MEIOC: variants seen among roughly 807,000 people sequenced by gnomAD.
MEIOC encodes the protein meiosis-specific coiled-coil domain-containing protein MEIOC.
Under a neutral mutation model 85.3 loss-of-function variants are expected in MEIOC, and 9 were observed. That is an observed-to-expected ratio of 0.11 (90% confidence interval 0.06 to 0.18). The LOEUF is 0.18. Among genes scored for constraint, MEIOC ranks in the 10% least tolerant of loss-of-function variants. The probability of loss-of-function intolerance (pLI) is 1.00; values close to 1 mark genes in which losing one functional copy is unlikely to be tolerated. For missense variants in MEIOC, 898 were observed against 1,129.4 expected, an observed-to-expected ratio of 0.80 and a Z score of 2.94; for synonymous variants, 365 against 393.7, an observed-to-expected ratio of 0.93 and a Z score of 0.86.
chr17:44,664,235 G>T (rs375350143), intron 3 of MEIOC, among the ~76,000 whole-genome samples: 3 of 151,996 alleles, frequency 2.0e-5, no homozygotes, highest in African/African-American at 4.8e-5. Flanking sequence ...GGTGGCACGC[G>T]CCTGTAGTCC....
Position 44,675,590 on chromosome 17 carries a change from A to C in MEIOC, c.*1394A>C. ...AGAAGAAACTGATTGAGAATGCAAG[A>C]GTAACTGTAGGGAGAAACATTTTGA... is the stretch of plus-strand genomic sequence containing the variant. On this transcript the variant is annotated 3_prime_UTR_variant, in exon 8 of 8. Transcript: ENST00000409122. The C allele has an allele frequency of 1.0e-6, 1 of 984,274 alleles. No individual in the cohort carries two copies. Among genetic ancestry groups the C allele is most frequent in the Non-Finnish European group, 1.2e-6 (1 of 828,908 alleles). 61.0% of individuals were successfully genotyped at this position (984,274 alleles called of 1,614,324 possible). A position where few individuals can be genotyped will look rare whatever the true frequency, so the allele number is the denominator to read the frequency against.
chr17:44,673,495 A>G lies in MEIOC; in HGVS notation c.2587A>G (p.Asn863Asp). The part of the protein sequence containing the change: ...VQSRRKDEIV[N>D]ASNRQRQGVP... The stretch of plus-strand genomic sequence containing the variant: ...GTCACGTAGAAAGGATGAAATTGTT[A>G]ATGCTTCCAATCGGCAAAGGCAAGG... The change falls in exon 7 of 8, where the codon AAT becomes GAT. Residue 863 changes from asparagine to aspartate, a missense_variant. Asn to Asp is a conservative substitution (Grantham distance 23). Coordinates refer to ENST00000409122, the MANE Select transcript of MEIOC (RefSeq NM_001145080.3). 1 of 1,551,152 alleles carries G rather than the reference A, an allele frequency of 6.4e-7. No individual in the cohort carries two copies. The highest frequency in any genetic ancestry group is 8.7e-7 in the Non-Finnish European group (1 of 1,146,914).
At chr17:44,659,768 C>T (rs570351175) in intron 2 of MEIOC, among the ~76,000 whole-genome samples, 6 of 152,276 alleles carry the variant, frequency 3.9e-5, no homozygotes, top group Admixed American at 1.3e-4. Context: ...GGATACTTCA[C>T]ACATAAGAGT....
chr17:44,673,315 T>C, intron 6 of MEIOC, 51 bp from the exon 7 acceptor site: 1 of 1,362,714 alleles, frequency 7.3e-7, no homozygotes, highest in Non-Finnish European at 9.8e-7. Context: ...TTGTTTTTAC[T>C]TAAGTTAATG....
Position 44,666,371 on chromosome 17 carries a change from T to C in MEIOC, c.465-5T>C. 6.5e-7 allele frequency: 1 copy of C among 1,540,770 alleles called. No individual in the cohort carries two copies. The highest frequency in any genetic ancestry group is 8.8e-7 in the Non-Finnish European group (1 of 1,142,156). ...GTTGTAATTAAATATATTTATTTGT[T>C]CTAGGACCTGCTCCTCCAATTTAAA... On this transcript the variant is annotated splice_region_variant and splice_polypyrimidine_tract_variant and intron_variant, in intron 4 of 7. Transcript: ENST00000409122.
intron 6 of MEIOC, among the ~76,000 whole-genome samples, chr17:44,671,885 G>A (rs1254184223): frequency 3.4e-5 from 5 of 145,562 alleles, no homozygotes; most frequent in East Asian, 4.0e-4. Flanking sequence ...CAGCCTGGGC[G>A]ACAGAGCAAG....
chr17:44,662,163 C>G (rs970603080), intron 2 of MEIOC, among the ~76,000 whole-genome samples, 154 bp from the exon 3 acceptor site: 1 of 152,132 alleles, frequency 6.6e-6, no homozygotes, highest in Non-Finnish European at 1.5e-5. Flanking sequence ...GTTTGCCAAT[C>G]CCTGGTATAA....
intron 2 of MEIOC, 52 bp downstream of exon 2, chr17:44,657,313 A>T (rs1971776476): frequency 6.6e-7 from 1 of 1,509,412 alleles, no homozygotes; most frequent in Non-Finnish European, 9.0e-7. Flanking sequence ...AAATGGATTT[A>T]CTCGAGCCAC....
intron 7 of MEIOC, 154 bp from the exon 8 acceptor site, chr17:44,673,822 G>A (rs1287297952): frequency 7.9e-6 from 7 of 890,604 alleles, no homozygotes; most frequent in South Asian, 1.9e-5. Flanking sequence ...ATATTTTAAT[G>A]ATAAAGGACA....
In MEIOC at chr17:44,674,110, GA is replaced by G; in HGVS notation, c.2774del (p.Asp925ValfsTer3). On this transcript the variant is annotated frameshift_variant, in exon 8 of 8. Transcript: ENST00000409122. LOFTEE classifies it high-confidence loss of function. ...STADVVKPLQ[D>X]TVNCEDKVHE... ...AGCTGATGTGGTAAAGCCTTTACAA[GA>G]TACAGTAAACTGTGAAGATAAAGTC... The G allele has an allele frequency of 6.4e-7, 1 of 1,551,708 alleles. No individual in the cohort carries two copies. The highest frequency in any genetic ancestry group is 8.7e-7 in the Non-Finnish European group (1 of 1,146,996).
At chr17:44,671,116 A>T (rs1972002852) in intron 6 of MEIOC, 2 of 152,010 alleles carry the variant, frequency 1.3e-5, no homozygotes, top group South Asian at 4.2e-4. Context: ...AAAAATCAAC[A>T]TGGGTCAAAT....
At chr17:44,664,480 G>A (rs1305398460) in intron 3 of MEIOC, among the ~76,000 whole-genome samples, 2 of 152,138 alleles carry the variant, frequency 1.3e-5, no homozygotes, top group Non-Finnish European at 2.9e-5. Flanking sequence ...TTTGAGTGCT[G>A]ACATGATGCT....
chr17:44,666,995 A>G lies in MEIOC; in HGVS notation c.1084A>G (p.Thr362Ala), dbSNP rs777288104. The change falls in exon 5 of 8, where the codon ACT (threonine) becomes GCT (alanine). Residue 362 changes from threonine to alanine, a missense_variant. Physicochemically the swap from Thr to Ala is moderately conservative, Grantham distance 58 (BLOSUM62 0). Coordinates refer to ENST00000409122, the MANE Select transcript of MEIOC (RefSeq NM_001145080.3). ...AGCCAATGGCACACCTGAAACACCA[A>G]CTGTAGAAGCAGACACCTACACAAA... ...KLANGTPETP[T>A]VEADTYTKLF... 6.2e-7 allele frequency: 1 copy of G among 1,613,668 alleles called. No individual in the cohort carries two copies. Among genetic ancestry groups the G allele is most frequent in the East Asian group, 2.2e-5 (1 of 44,878 alleles).
Position 44,666,841 on chromosome 17 carries a change from G to C in MEIOC, c.930G>C (p.Glu310Asp). 1 of 1,612,246 alleles carries C rather than the reference G, an allele frequency of 6.2e-7. No homozygotes were observed. Among genetic ancestry groups the C allele is most frequent in the Non-Finnish European group, 8.5e-7 (1 of 1,179,092 alleles). Residue 310 changes from glutamate (E) to aspartate (D), a missense_variant, in exon 5 of 8, where the codon GAG (glutamate) becomes GAC (aspartate). Physicochemically the swap from Glu to Asp is conservative, Grantham distance 45. Around this residue, in one of 2 missense-constraint regions of MEIOC, gnomAD observed 734 missense variants for 860.1 expected, o/e 0.85. Coordinates refer to ENST00000409122, the MANE Select transcript of MEIOC (RefSeq NM_001145080.3). Reference protein sequence around the residue: ...LEAPLQQKRAEMFLSQFNRYN... With the variant: ...LEAPLQQKRADMFLSQFNRYN... ...CACCACTACAGCAAAAAAGGGCAGA[G>C]ATGTTTCTTTCTCAATTTAATAGAT... is the stretch of plus-strand genomic sequence containing the variant.
chr17:44,667,837 T>A lies in MEIOC; in HGVS notation c.1926T>A (p.Gly642=). 6.2e-7 allele frequency: 1 copy of A among 1,613,904 alleles called. No homozygotes were observed. Among genetic ancestry groups the A allele is most frequent in the South Asian group, 1.1e-5 (1 of 91,062 alleles). Residue 642 remains glycine, a synonymous_variant, in exon 5 of 8, where the codon GGT becomes GGA. Coordinates refer to ENST00000409122, the MANE Select transcript of MEIOC (RefSeq NM_001145080.3). ...ACCAAGATCTACTGGAGTCACAGGG[T>A]CATTCTAATAGCCACAGAACGAGAG... ...NTYQDLLESQ[G]HSNSHRTRGG...
At chr17:44,657,478 G>C (rs968277957) in intron 2 of MEIOC, among the ~76,000 whole-genome samples, 2 of 151,468 alleles carry the variant, frequency 1.3e-5, no homozygotes, top group Non-Finnish European at 2.9e-5. Context: ...CCGCCAGCCG[G>C]GCTCAGGCGA....
Position 44,656,690 on chromosome 17 carries a change from A to G in MEIOC, c.69+8A>G. The G allele has an allele frequency of 6.7e-7, 1 of 1,489,016 alleles. No homozygotes were observed. The highest frequency in any genetic ancestry group is 8.9e-7 in the Non-Finnish European group (1 of 1,119,734). 92.2% of individuals were successfully genotyped at this position (1,489,016 alleles called of 1,614,324 possible). On this transcript the variant is annotated splice_region_variant and intron_variant, in intron 1 of 7. Coordinates refer to ENST00000409122, the MANE Select transcript of MEIOC (RefSeq NM_001145080.3). Reference sequence around the variant, plus strand: ...AGGGAGGAAGGACTTGAGGTAATGGATGAGGAAGGGCAGGGTCCAGGGGGC... The same window carrying G: ...AGGGAGGAAGGACTTGAGGTAATGGGTGAGGAAGGGCAGGGTCCAGGGGGC...
chr17:44,665,147 CACTGTAAGTTAGATAT>C (rs1262851478), intron 3 of MEIOC: 2 of 1,054,518 alleles, frequency 1.9e-6, no homozygotes, highest in African/African-American at 3.3e-5. Flanking sequence ...GGTAAGCATG[CACTGTAAGTTAGATAT>C]AGGATTTGAA....
Position 44,660,583 on chromosome 17 carries a change from T to C in MEIOC, c.205-1734T>C, listed in dbSNP as rs1333712023. Reference sequence around the variant, plus strand: ...TTATAAGAAAATACTATTTTCATTGTGTTTATGTCTGGGTATTTATAGTTA... The same window carrying C: ...TTATAAGAAAATACTATTTTCATTGCGTTTATGTCTGGGTATTTATAGTTA... On this transcript the variant is annotated intron_variant, in intron 2 of 7. Coordinates refer to ENST00000409122, the MANE Select transcript of MEIOC (RefSeq NM_001145080.3). Among the ~76,000 whole-genome samples, 3 of 152,280 alleles carry C rather than the reference T, an allele frequency of 2.0e-5. No individual in the cohort carries two copies. In the East Asian group the frequency reaches 5.8e-4, roughly 29 times the overall value.
Sources: allele counts gnomAD v4.1 joint callset (sites outside exome capture counted in the v4.1 genomes callset), GRCh38; gene constraint gnomAD v4.1.1; regional missense constraint gnomAD v4.1.1; transcripts MANE v1.5; gene names NCBI Gene and HGNC (gene_info 2026-07-23, HGNC 2026-07-21).